Variants in TBC1D8 observed in about 807,000 individuals in gnomAD.
TBC1D8 encodes the protein BUB2-like protein 1.
TBC1D8 carries 65 observed loss-of-function variants against 118.8 expected under a neutral mutation model. The observed-to-expected ratio is 0.55, with a 90% CI of 0.45 to 0.67. The LOEUF (loss-of-function observed/expected upper bound fraction) is 0.67, where lower values mean the gene tolerates loss of function less well. Among genes scored for constraint, TBC1D8 ranks in the 30% least tolerant of loss-of-function variants. TBC1D8 has a pLI of 0.00. For missense variants in TBC1D8, 1,376 were observed against 1,471.2 expected (o/e 0.94, Z 1.06); for synonymous variants, 566 against 595.8 (o/e 0.95, Z 0.73).
intron 5 of TBC1D8, among the ~76,000 whole-genome samples, chr2:101,045,879 G>A (rs1681670488): frequency 6.6e-6 from 1 of 152,134 alleles, no homozygotes; most frequent in African/African-American, 2.4e-5. Flanking sequence ...TATAATCCCA[G>A]CTACACAGGA....
chr2:101,071,324 G>A (rs1307453868), intron 2 of TBC1D8, among the ~76,000 whole-genome samples: 2 of 151,910 alleles, frequency 1.3e-5, no homozygotes, highest in Admixed American at 1.3e-4. Flanking sequence ...CAGCCAGGGC[G>A]ACACAGCGAG....
At chr2:101,091,241 C>T (rs1676015409) in intron 1 of TBC1D8, among the ~76,000 whole-genome samples, 1 of 152,030 alleles carries the variant, frequency 6.6e-6, no homozygotes, top group South Asian at 2.1e-4. Context: ...GCTGAGATCG[C>T]ACCATTGCAC....
At chr2:101,102,732 T>A (rs537151793) in intron 1 of TBC1D8, among the ~76,000 whole-genome samples, 1 of 151,768 alleles carries the variant, frequency 6.6e-6, no homozygotes, top group Non-Finnish European at 1.5e-5. Flanking sequence ...AAACAGGAAA[T>A]ATTATCAGGA....
rs1045189439 is a variant in TBC1D8, at chr2:101,031,437, G to C, written c.1936+831C>G. On this transcript the variant is annotated intron_variant, in intron 11 of 19. Transcript: ENST00000409318. ...TTCAAGGGCGCCTTCTTCCCGCCTT[G>C]CTCCTATATCCACTCGGTTGCTAAA... is the stretch of plus-strand genomic sequence containing the variant. 2.6e-5 allele frequency among the ~76,000 whole-genome samples: 4 copies of C among 152,244 alleles called. No individual in the cohort carries two copies. In the East Asian group the frequency reaches 7.7e-4, roughly 29 times the overall value.
chr2:101,043,658 C>T (rs1272014311), intron 5 of TBC1D8, among the ~76,000 whole-genome samples: 1 of 152,072 alleles, frequency 6.6e-6, no homozygotes, highest in Non-Finnish European at 1.5e-5. Context: ...TAAGGTGTTC[C>T]AGGCTGAGCG....
chr2:101,120,812 G>C (rs1054611008), intron 1 of TBC1D8, among the ~76,000 whole-genome samples: 2 of 152,170 alleles, frequency 1.3e-5, no homozygotes, highest in Non-Finnish European at 2.9e-5. Flanking sequence ...CCACGGGCTA[G>C]GGACATAAGG....
intron 1 of TBC1D8, among the ~76,000 whole-genome samples, chr2:101,149,539 G>T (rs1679461453): frequency 6.6e-6 from 1 of 152,162 alleles, no homozygotes; most frequent in Non-Finnish European, 1.5e-5. Flanking sequence ...AGCGTTTACG[G>T]GACAAACTGT....
rs549699004 is a variant in TBC1D8 at position 101,095,096 on chromosome 2, GTT to G, written c.128-4734_128-4733del. ...CTAGGGTACCCCACAACTTGCATAG[GTT>G]TTAACACCAGGAACCCCGCCAGGTT... On this transcript the variant is annotated intron_variant, in intron 1 of 19. Coordinates refer to ENST00000409318, the MANE Select transcript of TBC1D8 (RefSeq NM_001330348.2). 3.9e-3 allele frequency among the ~76,000 whole-genome samples: 597 copies of G among 152,196 alleles called. 2 individuals are homozygous for G. Among genetic ancestry groups the G allele is most frequent in the African/African-American group, 0.013 (546 of 41,532 alleles).
At chr2:101,099,872 A>G (rs986315004) in intron 1 of TBC1D8, among the ~76,000 whole-genome samples, 4 of 152,192 alleles carry the variant, frequency 2.6e-5, no homozygotes, top group African/African-American at 9.7e-5. Flanking sequence ...CAAAATAATA[A>G]GAGCTATTTA....
intron 1 of TBC1D8, among the ~76,000 whole-genome samples, chr2:101,130,445 C>T (rs1210481102): frequency 6.6e-6 from 1 of 152,190 alleles, no homozygotes; most frequent in African/African-American, 2.4e-5. Context: ...GGCAGAAGTT[C>T]CTCGCCCCAG....
intron 1 of TBC1D8, among the ~76,000 whole-genome samples, chr2:101,127,632 G>A (rs1325627809): frequency 6.6e-6 from 1 of 152,094 alleles, no homozygotes; most frequent in Admixed American, 6.6e-5. Context: ...CAAACTCTTG[G>A]GCTCAACCGA....
intron 9 of TBC1D8, 75 bp from the exon 10 acceptor site, chr2:101,033,833 A>C: frequency 6.7e-7 from 1 of 1,495,106 alleles, no homozygotes; most frequent in Non-Finnish European, 9.1e-7. Context: ...TGCTGGTCCC[A>C]TCAGGGGACC....
intron 2 of TBC1D8, among the ~76,000 whole-genome samples, chr2:101,064,353 A>T (rs1682912302): frequency 6.6e-6 from 1 of 152,174 alleles, no homozygotes; most frequent in Non-Finnish European, 1.5e-5. Flanking sequence ...TGGCACCTTG[A>T]TCCTGGACTT....
In TBC1D8 at chr2:101,056,999, T is replaced by G. The variant is rs538841126; in HGVS notation, c.402+2422A>C. On this transcript the variant is annotated intron_variant, in intron 3 of 19. Coordinates refer to ENST00000409318, the MANE Select transcript of TBC1D8 (RefSeq NM_001330348.2). ...CCCAGGCTCAGGCCAGGCAGGCCCCTCACTCCCCAGCCCTGCCTCCTCAGG... is the reference window on the plus strand; with the variant it reads ...CCCAGGCTCAGGCCAGGCAGGCCCCGCACTCCCCAGCCCTGCCTCCTCAGG... Among the ~76,000 whole-genome samples, 20 of 152,296 alleles carry G rather than the reference T, an allele frequency of 1.3e-4. No individual in the cohort carries two copies. The South Asian group carries it at 4.1e-3, about 32-fold the overall frequency.
intron 1 of TBC1D8, among the ~76,000 whole-genome samples, chr2:101,094,034 T>C (rs60469542): frequency 0.31 from 47,317 of 151,888 alleles, 7,494 homozygotes; most frequent in East Asian, 0.38. Context: ...AGTCCTCCTG[T>C]TGCTACCAAT....
At chr2:101,038,420 G>A (rs779492931) in intron 7 of TBC1D8, 41 bp downstream of exon 7, 2 of 1,597,684 alleles carry the variant, frequency 1.3e-6, no homozygotes, top group Admixed American at 1.7e-5. Flanking sequence ...CACGGCCTGA[G>A]ACATGAAGAA....
rs559686099 is a variant in TBC1D8, at chr2:101,110,072, C to G, written c.128-19708G>C. 3 of 955,358 alleles carry G rather than the reference C, an allele frequency of 3.1e-6. No homozygotes were observed. The East Asian group carries it at 3.5e-4, about 110-fold the overall frequency. The allele number at this position is 955,358 out of a possible 1,614,324, so 59.2% of individuals were successfully genotyped here. A position where few individuals can be genotyped will look rare whatever the true frequency, so the allele number is the denominator to read the frequency against. On this transcript the variant is annotated intron_variant, in intron 1 of 19. Transcript: ENST00000409318. The stretch of plus-strand genomic sequence containing the variant: ...TAGGCTCTTAGAATAACAACTCTGG[C>G]TGAGATAGATGTCAAGTGACAAGTT...
chr2:101,051,882 A>G (rs991491733), intron 4 of TBC1D8, among the ~76,000 whole-genome samples: 1 of 152,270 alleles, frequency 6.6e-6, no homozygotes, highest in African/African-American at 2.4e-5. Flanking sequence ...AAACCAGAGC[A>G]GGAAAGAAGA....
chr2:101,013,638 G>C (rs1200989563), intron 17 of TBC1D8, among the ~76,000 whole-genome samples: 1 of 152,192 alleles, frequency 6.6e-6, no homozygotes, highest in Non-Finnish European at 1.5e-5. Flanking sequence ...TATAGCCTTA[G>C]GGACCTTCAT....
Sources: gnomAD v4.1 joint callset for allele counts (sites outside exome capture counted in the v4.1 genomes callset) on GRCh38, gnomAD v4.1.1 for gene constraint, MANE v1.5 for transcripts, NCBI Gene and HGNC (gene_info 2026-07-23, HGNC 2026-07-21) for gene names.